CHN1: variants seen among roughly 807,000 people sequenced by gnomAD.
The protein encoded by CHN1 is N-chimaerin.
CHN1 carries 37 observed loss-of-function variants against 59.5 expected under a neutral mutation model. That is an observed-to-expected ratio of 0.62 (90% CI 0.48 to 0.82). The LOEUF (loss-of-function observed/expected upper bound fraction) is 0.82. CHN1 is among the 40% of genes least tolerant of loss of function. The probability of loss-of-function intolerance (pLI) is 0.00; values close to 1 mark genes in which losing one functional copy is unlikely to be tolerated. For missense variants in CHN1, 469 were observed against 571.0 expected, an observed-to-expected ratio of 0.82 and a Z score of 1.82; for synonymous variants, 206 against 200.4, an observed-to-expected ratio of 1.03 and a Z score of -0.24.
chr2:174,883,393 C>T (rs1353132818), intron 5 of CHN1, among the ~76,000 whole-genome samples: 1 of 152,118 alleles, frequency 6.6e-6, no homozygotes, highest in African/African-American at 2.4e-5. Context: ...GAAACTGATA[C>T]CTCCATTTCT....
At chr2:174,969,784 T>A (rs1690701766) in intron 1 of CHN1, among the ~76,000 whole-genome samples, 1 of 152,146 alleles carries the variant, frequency 6.6e-6, no homozygotes, top group Admixed American at 6.5e-5. Flanking sequence ...CACCAGAAGG[T>A]AAGCTCGATG....
chr2:174,952,892 G>A (rs1690067121), intron 1 of CHN1, among the ~76,000 whole-genome samples: 1 of 152,196 alleles, frequency 6.6e-6, no homozygotes, highest in Non-Finnish European at 1.5e-5. Flanking sequence ...GAAAGAGATG[G>A]AAATACAAAC....
chr2:174,965,869 A>T (rs1690575230), intron 1 of CHN1, among the ~76,000 whole-genome samples: 2 of 152,202 alleles, frequency 1.3e-5, no homozygotes, highest in South Asian at 2.1e-4. Context: ...TTTTGAAACA[A>T]GGGCATAAAC....
intron 6 of CHN1, 82 bp downstream of exon 6, chr2:174,877,758 A>C (rs899182048): frequency 7.7e-7 from 1 of 1,300,042 alleles, no homozygotes; most frequent in East Asian, 2.4e-5. Flanking sequence ...ACTGTGGATA[A>C]ATCAATCTCT....
At chr2:174,891,818 G>GA (rs546056599) in intron 5 of CHN1, among the ~76,000 whole-genome samples, 2 of 150,198 alleles carry the variant, frequency 1.3e-5, no homozygotes, top group Non-Finnish European at 3.0e-5. Context: ...AACAACAGAG[G>GA]AAAAAAAACC....
intron 10 of CHN1, chr2:174,810,946 A>T (rs867296790): frequency 6.6e-6 from 1 of 152,284 alleles, no homozygotes; most frequent in African/African-American, 2.4e-5. Flanking sequence ...ATCTTAATTT[A>T]AATGTTAGCT....
At chr2:174,971,043 G>A (rs1445403005) in intron 1 of CHN1, among the ~76,000 whole-genome samples, 1 of 152,182 alleles carries the variant, frequency 6.6e-6, no homozygotes, top group African/African-American at 2.4e-5. Context: ...TTTCGACTGG[G>A]CGTGGTGGCT....
chr2:174,810,267 T>G (rs1465193558), intron 10 of CHN1, among the ~76,000 whole-genome samples: 1 of 152,246 alleles, frequency 6.6e-6, no homozygotes, highest in East Asian at 1.9e-4. Flanking sequence ...TTTGCATCAT[T>G]ACTATAGATC....
chr2:174,807,569 G>A (rs1684938189), intron 11 of CHN1, among the ~76,000 whole-genome samples: 1 of 150,258 alleles, frequency 6.7e-6, no homozygotes. Flanking sequence ...TCTGCCCCAT[G>A]AGACAAGGAC....
chr2:174,927,717 C>T (rs148087992), intron 3 of CHN1, among the ~76,000 whole-genome samples: 6 of 152,166 alleles, frequency 3.9e-5, no homozygotes, highest in Non-Finnish European at 5.9e-5. Flanking sequence ...AAATGTTTAA[C>T]GTTGTTCTTG....
At chr2:174,884,220 C>T (rs1461015375) in intron 5 of CHN1, among the ~76,000 whole-genome samples, 4 of 151,962 alleles carry the variant, frequency 2.6e-5, no homozygotes, top group Non-Finnish European at 5.9e-5. Flanking sequence ...ATCCACCCAC[C>T]TCGGTCTCCC....
At position 174,801,647 on chromosome 2, in the gene CHN1, T is replaced by G. The variant is rs1043329226; in HGVS notation, c.1208+60A>C. ...TTTGTCCTTTCTTTCACCCTTCATT[T>G]CATTTTGTCCTTAAAATTTGGATGC... On this transcript the variant is annotated intron_variant, in intron 12 of 12. Transcript: ENST00000409900. 6 of 1,194,016 alleles carry G rather than the reference T, an allele frequency of 5.0e-6. No homozygotes were observed. In the African/African-American group the frequency reaches 9.1e-5, roughly 18 times the overall value. The allele number at this position is 1,194,016 out of a possible 1,614,324, so 74.0% of individuals were successfully genotyped here. A position where few individuals can be genotyped will look rare whatever the true frequency, so the allele number is the denominator to read the frequency against.
intron 2 of CHN1, 29 bp downstream of exon 2, chr2:174,952,135 A>G (rs1650735140): frequency 3.0e-6 from 4 of 1,337,434 alleles, no homozygotes; most frequent in Non-Finnish European, 4.0e-6. Context: ...ATAAAGCACT[A>G]TAACCCACAC....
chr2:174,812,040 A>T, intron 9 of CHN1: 1 of 337,500 alleles, frequency 3.0e-6, no homozygotes, highest in Non-Finnish European at 5.3e-6. Flanking sequence ...ATTTGTCTTT[A>T]CCTGTCAACT....
At chr2:174,948,674 G>A (rs1689922719) in intron 2 of CHN1, among the ~76,000 whole-genome samples, 2 of 152,144 alleles carry the variant, frequency 1.3e-5, no homozygotes, top group African/African-American at 4.8e-5. Context: ...ACACTAACAT[G>A]TAGCAACTTT....
intron 5 of CHN1, among the ~76,000 whole-genome samples, chr2:174,891,552 G>C (rs1166111877): frequency 1.3e-5 from 2 of 148,356 alleles, no homozygotes; most frequent in Non-Finnish European, 1.5e-5. Context: ...CTGGGTGACA[G>C]AGCGAGACTC....
intron 1 of CHN1, among the ~76,000 whole-genome samples, chr2:174,960,797 G>C (rs547111652): frequency 6.6e-6 from 1 of 151,890 alleles, no homozygotes; most frequent in Admixed American, 6.6e-5. Context: ...ACTCTGACCT[G>C]GGCGACAGAG....
rs374096827 is a variant in CHN1, at chr2:174,817,830, A to G, written c.713-5348T>C. On this transcript the variant is annotated intron_variant, in intron 8 of 12. Transcript: ENST00000409900. ...TTTTTTATATTTTTAGTAGAGACGG[A>G]GTTTCACCGTGTTAGCCAGGATGGT... 2.2e-4 allele frequency among the ~76,000 whole-genome samples: 34 copies of G among 151,794 alleles called. 2 individuals carry two copies. The East Asian group carries it at 2.7e-3, about 12-fold the overall frequency.
In CHN1 at chr2:174,969,807, T is replaced by C. The variant is rs183779938; in HGVS notation, c.20-17605A>G. 1.8e-4 allele frequency among the ~76,000 whole-genome samples: 27 copies of C among 152,302 alleles called. No individual in the cohort carries two copies. The East Asian group carries it at 4.4e-3, about 25-fold the overall frequency. Reference sequence around the variant, plus strand: ...GGTAAGCTCGATGAGGGCAGGATTTTTTTGTCATCTGTTGTCACACTGCTG... The same window carrying C: ...GGTAAGCTCGATGAGGGCAGGATTTCTTTGTCATCTGTTGTCACACTGCTG... On this transcript the variant is annotated intron_variant, in intron 1 of 12. Transcript: ENST00000409900.
Sources: gnomAD v4.1 joint callset for allele counts (sites outside exome capture counted in the v4.1 genomes callset) on GRCh38, gnomAD v4.1.1 for gene constraint, MANE v1.5 for transcripts, NCBI Gene and HGNC (gene_info 2026-07-23, HGNC 2026-07-21) for gene names.